Variants in RREB1 observed in about 807,000 individuals in gnomAD.
RREB1 encodes the protein ras responsive element binding protein 1, also known as ras-responsive element-binding protein 1.
In RREB1, 27 loss-of-function variants were observed where a neutral mutation model predicts 117.8. The observed-to-expected ratio is 0.23, with a 90% CI of 0.17 to 0.32. RREB1 has a LOEUF of 0.32. Ranked by LOEUF, RREB1 falls within the 10% of genes least tolerant of loss-of-function variation. The probability of loss-of-function intolerance (pLI) is 1.00; values close to 1 mark genes in which losing one functional copy is unlikely to be tolerated. For missense variants in RREB1, 2,577 were observed against 2,378.2 expected, an observed-to-expected ratio of 1.08 and a Z score of -1.74; for synonymous variants, 1,298 against 1,026.7, an observed-to-expected ratio of 1.26 and a Z score of -5.05.
At chr6:7,161,431 T>C (rs1380988078) in intron 1 of RREB1, among the ~76,000 whole-genome samples, 1 of 152,200 alleles carries the variant, frequency 6.6e-6, no homozygotes, top group Non-Finnish European at 1.5e-5. Flanking sequence ...ACTGCAGATG[T>C]TCTTAGGATG....
chr6:7,141,153 C>T (rs1400966753), intron 1 of RREB1, among the ~76,000 whole-genome samples: 1 of 152,076 alleles, frequency 6.6e-6, no homozygotes, highest in Non-Finnish European at 1.5e-5. Context: ...CCCAGGGCTC[C>T]CGCGGTGGGT....
At chr6:7,176,031 C>A (rs1187556621) in intron 1 of RREB1, among the ~76,000 whole-genome samples, 1 of 152,222 alleles carries the variant, frequency 6.6e-6, no homozygotes, top group Non-Finnish European at 1.5e-5. Context: ...CATCCTCCCA[C>A]CTCAGCTCCA....
chr6:7,233,152 T>C (rs1305858787), intron 10 of RREB1, among the ~76,000 whole-genome samples: 2 of 152,214 alleles, frequency 1.3e-5, no homozygotes, highest in African/African-American at 2.4e-5. Context: ...CACCTTGGCC[T>C]CTCAAAGTGC....
chr6:7,187,544 TA>T, intron 5 of RREB1, 21 bp downstream of exon 5: 6 of 444,870 alleles, frequency 1.3e-5, no homozygotes, highest in African/African-American at 8.0e-5. Flanking sequence ...ACTGTTCTTT[TA>T]TTTTATTTTA....
intron 1 of RREB1, among the ~76,000 whole-genome samples, chr6:7,142,322 G>A (rs530570026): frequency 6.6e-6 from 1 of 152,104 alleles, no homozygotes; most frequent in East Asian, 1.9e-4. Context: ...TCCGAGAGCC[G>A]GCTCCCATGC....
At chr6:7,199,657 T>G (rs1345464922) in intron 6 of RREB1, among the ~76,000 whole-genome samples, 1 of 151,850 alleles carries the variant, frequency 6.6e-6, no homozygotes, top group East Asian at 1.9e-4. Context: ...GTGTGTGATT[T>G]TTTTGTTTTG....
At position 7,231,220 on chromosome 6, in the gene RREB1, T is replaced by G. The variant is rs530928869; in HGVS notation, c.3121T>G (p.Leu1041Val). The G allele has an allele frequency of 1.2e-6, 2 of 1,612,564 alleles. No homozygotes were observed. Among genetic ancestry groups the G allele is most frequent in the African/African-American group, 1.3e-5 (1 of 75,050 alleles). ...CTCAGCCCTCCTGAGTGGCACAGCCTTGCTGCGTCCACTGCGGCCCAAGCC... is the reference window on the plus strand; with the variant it reads ...CTCAGCCCTCCTGAGTGGCACAGCCGTGCTGCGTCCACTGCGGCCCAAGCC... ...GSSALLSGTA[L>V]LRPLRPKPPL... Residue 1041 changes from leucine to valine, a missense_variant, in exon 10 of 13, where the codon TTG becomes GTG. By Grantham distance (32) the Leu-to-Val change is conservative. Transcript: ENST00000379938.
chr6:7,231,606 G>A lies in RREB1; in HGVS notation c.3507G>A (p.Gly1169=). 1.2e-6 allele frequency: 2 copies of A among 1,612,074 alleles called. No homozygotes were observed. Among genetic ancestry groups the A allele is most frequent in the Non-Finnish European group, 1.7e-6 (2 of 1,179,698 alleles). Residue 1169 remains glycine (G), a synonymous_variant, in exon 10 of 13, where the codon GGG becomes GGA. Transcript: ENST00000379938. ...GCCGACCCCGCGCCAACAGCGGCGG[G>A]GTGGACCTGGACTCCAGCGGGGAGT... ...MRSRPRANSG[G]VDLDSSGEFA...
chr6:7,248,216 G>T (rs1561810954), intron 12 of RREB1, among the ~76,000 whole-genome samples: 1 of 152,224 alleles, frequency 6.6e-6, no homozygotes, highest in Non-Finnish European at 1.5e-5. Context: ...GTCGAGGCCA[G>T]TCTGCACATC....
intron 8 of RREB1, 132 bp from the exon 9 acceptor site, chr6:7,226,335 A>G (rs945480125): frequency 1.4e-5 from 9 of 652,284 alleles, no homozygotes; most frequent in Admixed American, 3.4e-5. Flanking sequence ...TCTTGACATC[A>G]TATCATTTTT....
At position 7,246,878 on chromosome 6, in the gene RREB1, G is replaced by A; in HGVS notation, c.4428G>A (p.Lys1476=). 3 of 1,552,642 alleles carry A rather than the reference G, an allele frequency of 1.9e-6. No individual in the cohort carries two copies. Among genetic ancestry groups the A allele is most frequent in the Non-Finnish European group, 2.6e-6 (3 of 1,148,406 alleles). The part of the protein sequence containing the change: ...HRKAHGRQEP[K]DEKGDGASTA... ...AGGCGCACGGCCGCCAGGAGCCCAAGGACGAGAAGGGAGATGGCGCCAGCA... is the reference window on the plus strand; with the variant it reads ...AGGCGCACGGCCGCCAGGAGCCCAAAGACGAGAAGGGAGATGGCGCCAGCA... Residue 1476 remains lysine, a synonymous_variant, in exon 12 of 13, where the codon AAG becomes AAA. Coordinates refer to ENST00000379938, the MANE Select transcript of RREB1 (RefSeq NM_001003699.4).
At chr6:7,140,321 A>G (rs1218075520) in intron 1 of RREB1, among the ~76,000 whole-genome samples, 4 of 152,212 alleles carry the variant, frequency 2.6e-5, no homozygotes, top group African/African-American at 9.6e-5. Flanking sequence ...CAAAGACGTA[A>G]TGCAACACTT....
chr6:7,114,917 C>G (rs1235896661), intron 1 of RREB1, among the ~76,000 whole-genome samples: 1 of 151,866 alleles, frequency 6.6e-6, no homozygotes, highest in Non-Finnish European at 1.5e-5. Flanking sequence ...GTCACCTCTT[C>G]AGTTATTTGG....
intron 1 of RREB1, among the ~76,000 whole-genome samples, chr6:7,163,701 G>A (rs764938008): frequency 6.6e-6 from 1 of 152,140 alleles, no homozygotes. Flanking sequence ...GCACTTCAGC[G>A]TTTTAGTTGT....
intron 1 of RREB1, among the ~76,000 whole-genome samples, chr6:7,150,558 CAT>C (rs36010883): frequency 0.077 from 11,724 of 152,248 alleles, 635 homozygotes; most frequent in Middle Eastern, 0.16. Context: ...GTTGTATAGA[CAT>C]TGGTCATACT....
intron 1 of RREB1, among the ~76,000 whole-genome samples, chr6:7,166,071 AC>A (rs1390093719): frequency 6.6e-6 from 1 of 151,554 alleles, no homozygotes; most frequent in Non-Finnish European, 1.5e-5. Context: ...GTGCAGTTAG[AC>A]CCCCCAGGGA....
intron 1 of RREB1, among the ~76,000 whole-genome samples, chr6:7,108,942 A>G (rs1172579475): frequency 6.8e-6 from 1 of 146,584 alleles, no homozygotes; most frequent in African/African-American, 2.5e-5. Flanking sequence ...CCGTGCGGGC[A>G]CGTATTGTTC....
intron 10 of RREB1, among the ~76,000 whole-genome samples, chr6:7,240,167 C>T (rs1051416476): frequency 8.6e-5 from 13 of 151,982 alleles, no homozygotes; most frequent in African/African-American, 1.9e-4. Flanking sequence ...ATTGTAATAC[C>T]GTTGTTTTAC....
At chr6:7,137,602 T>A (rs1225116579) in intron 1 of RREB1, among the ~76,000 whole-genome samples, 1 of 152,234 alleles carries the variant, frequency 6.6e-6, no homozygotes, top group African/African-American at 2.4e-5. Context: ...CTGGCTCCAC[T>A]GTTGGAGTCA....
Sources: gnomAD v4.1 joint callset for allele counts (sites outside exome capture counted in the v4.1 genomes callset) on GRCh38, gnomAD v4.1.1 for gene constraint, MANE v1.5 for transcripts, NCBI Gene and HGNC (gene_info 2026-07-23, HGNC 2026-07-21) for gene names.